ACOX3: variants seen among roughly 807,000 people sequenced by gnomAD.
The protein encoded by ACOX3 is acyl-CoA oxidase 3, pristanoyl.
ACOX3 carries 73 observed loss-of-function variants against 81.5 expected under a neutral mutation model. That is an observed-to-expected ratio of 0.90 (90% CI 0.74 to 1.09). The LOEUF (loss-of-function observed/expected upper bound fraction) is 1.09, where lower values mean the gene tolerates loss of function less well. ACOX3 is among the 50% of genes least tolerant of loss of function. The pLI is 0.00. For missense variants in ACOX3, 947 were observed against 928.0 expected, an observed-to-expected ratio of 1.02 and a Z score of -0.27; for synonymous variants, 387 against 375.1, an observed-to-expected ratio of 1.03 and a Z score of -0.37.
chr4:8,412,717 G>A (rs1721860034), intron 5 of ACOX3, among the ~76,000 whole-genome samples: 1 of 152,200 alleles, frequency 6.6e-6, no homozygotes, highest in East Asian at 1.9e-4. Context: ...TAGGCCTCAG[G>A]GACAAGCGGA....
chr4:8,389,200 T>C lies in ACOX3; in HGVS notation c.1510A>G (p.Ser504Gly), dbSNP rs1718669140. 3 of 1,613,804 alleles carry C rather than the reference T, an allele frequency of 1.9e-6. No individual in the cohort carries two copies. Among genetic ancestry groups the C allele is most frequent in the Admixed American group, 3.3e-5 (2 of 59,980 alleles). ...GILDQKFEVSSVADCLDSAVA... is the reference protein window; with the variant it reads ...GILDQKFEVSGVADCLDSAVA... ...GCAGAGTCCAAGCAGTCGGCAACAC[T>C]GGAGACCTCAAACTTCTGGTCAAGG... Residue 504 changes from serine to glycine, a missense_variant, in exon 13 of 18, where the codon AGT becomes GGT. By Grantham distance (56) the Ser-to-Gly change is moderately conservative. Coordinates refer to ENST00000356406, the MANE Select transcript of ACOX3 (RefSeq NM_003501.3). This position sits in a 1 kb window ranked among gnomAD's most constrained non-coding sequence, Gnocchi z 5.3.
At position 8,416,361 on chromosome 4, in the gene ACOX3, A is replaced by G. The variant is rs2108986231; in HGVS notation, c.144+17T>C. ...CACTGGGAAAAAAGACAAGCTGCGCACAACCGCACGCCTCACCTTAAAGCG... is the reference window on the plus strand; with the variant it reads ...CACTGGGAAAAAAGACAAGCTGCGCGCAACCGCACGCCTCACCTTAAAGCG... On this transcript the variant is annotated intron_variant, in intron 2 of 17. Transcript: ENST00000356406. The surrounding 1 kb of genome is among the most constrained non-coding windows in gnomAD (Gnocchi z 4.2). The G allele has an allele frequency of 6.2e-7, 1 of 1,614,142 alleles. No homozygotes were observed. Among genetic ancestry groups the G allele is most frequent in the Non-Finnish European group, 8.5e-7 (1 of 1,180,042 alleles).
At position 8,416,589 on chromosome 4, in the gene ACOX3, A is replaced by G; in HGVS notation, c.-14-54T>C. ...GCTCTCCCATCTATGGGTTCAAACT[A>G]CCCCCACCAACAGGAGAGCCCGCAA... On this transcript the variant is annotated intron_variant, in intron 1 of 17. Transcript: ENST00000356406. This position sits in a 1 kb window ranked among gnomAD's most constrained non-coding sequence, Gnocchi z 4.2. The G allele has an allele frequency of 3.4e-6, 5 of 1,486,738 alleles. No homozygotes were observed. The highest frequency in any genetic ancestry group is 4.5e-6 in the Non-Finnish European group (5 of 1,119,636). The allele number at this position is 1,486,738 out of a possible 1,614,324, so 92.1% of individuals were successfully genotyped here. A position where few individuals can be genotyped will look rare whatever the true frequency, so the allele number is the denominator to read the frequency against.
rs1720196572 is a variant in ACOX3 at position 8,400,036 on chromosome 4, C to G, written c.777-384G>C. Among the ~76,000 whole-genome samples, 1 of 152,092 alleles carries G rather than the reference C, an allele frequency of 6.6e-6. No individual in the cohort carries two copies. Among genetic ancestry groups the G allele is most frequent in the African/African-American group, 2.4e-5 (1 of 41,422 alleles). ...CCGAGGTGGGTGGATCACCTCAGGT[C>G]AGGAGTTCGAAACCAGCCTGACCAA... On this transcript the variant is annotated intron_variant, in intron 7 of 17. Transcript: ENST00000356406. The surrounding 1 kb of genome is among the most constrained non-coding windows in gnomAD (Gnocchi z 4.4).
intron 16 of ACOX3, 69 bp downstream of exon 16, chr4:8,373,492 G>C: frequency 6.6e-7 from 1 of 1,522,726 alleles, no homozygotes; most frequent in Non-Finnish European, 9.0e-7. Flanking sequence ...GTGATGCTAA[G>C]GGGATGCGTG....
the ACOX3 span, among the ~76,000 whole-genome samples, chr4:8,359,149 C>T: frequency 6.6e-6 from 1 of 152,132 alleles, no homozygotes; most frequent in Non-Finnish European, 1.5e-5. This position sits in a 1 kb window ranked among gnomAD's most constrained non-coding sequence, Gnocchi z 6.0. Context: ...CAAAGAGTAA[C>T]TTTGGGTAAG....
intron 13 of ACOX3, among the ~76,000 whole-genome samples, chr4:8,387,281 G>A (rs1025718754): frequency 4.6e-5 from 7 of 152,220 alleles, no homozygotes; most frequent in Non-Finnish European, 8.8e-5. Flanking sequence ...TGAGGAAACC[G>A]AGGCAGGAAG....
chr4:8,408,792 A>C (rs1387636736), intron 6 of ACOX3, among the ~76,000 whole-genome samples: 1 of 151,236 alleles, frequency 6.6e-6, no homozygotes, highest in Non-Finnish European at 1.5e-5. Flanking sequence ...ATGAAGACCA[A>C]GGTACAATTA....
intron 7 of ACOX3, among the ~76,000 whole-genome samples, chr4:8,401,993 C>A (rs977979796): frequency 6.6e-6 from 1 of 152,172 alleles, no homozygotes. Flanking sequence ...CGGGGCTCAC[C>A]CCCCTCCATG....
At position 8,382,997 on chromosome 4, in the gene ACOX3, A is replaced by G. The variant is rs1387565776; in HGVS notation, c.1538-1390T>C. ...CAGAGCGAGACTCCGTCTCAAAAAA[A>G]AAAAAAAAAGAAAAGAAAATACCCA... On this transcript the variant is annotated intron_variant, in intron 13 of 17. Coordinates refer to ENST00000356406, the MANE Select transcript of ACOX3 (RefSeq NM_003501.3). The surrounding 1 kb of genome is among the most constrained non-coding windows in gnomAD (Gnocchi z 4.1). 1.3e-5 allele frequency among the ~76,000 whole-genome samples: 2 copies of G among 149,940 alleles called. No individual in the cohort carries two copies. The highest frequency in any genetic ancestry group is 3.0e-5 in the Non-Finnish European group (2 of 67,234).
At chr4:8,387,917 C>T (rs1387587380) in intron 13 of ACOX3, among the ~76,000 whole-genome samples, 2 of 152,206 alleles carry the variant, frequency 1.3e-5, no homozygotes, top group African/African-American at 2.4e-5. Context: ...CTGTCCCAGC[C>T]GCCTCTCACC....
chr4:8,414,342 T>C lies in ACOX3; in HGVS notation c.493A>G (p.Ser165Gly), dbSNP rs771185882. ...GTTGTGCGAATGGCCTTGGTATTACTGCCGTGGCTTAATTCGGTCAGAGCA... is the reference window on the plus strand; with the variant it reads ...GTTGTGCGAATGGCCTTGGTATTACCGCCGTGGCTTAATTCGGTCAGAGCA... ...CFALTELSHG[S>G]NTKAIRTTAH... is the part of the protein sequence containing the mutation. Residue 165 changes from serine (S) to glycine (G), a missense_variant, in exon 5 of 18, where the codon AGT (serine) becomes GGT (glycine). Coordinates refer to ENST00000356406, the MANE Select transcript of ACOX3 (RefSeq NM_003501.3). The surrounding 1 kb of genome is among the most constrained non-coding windows in gnomAD (Gnocchi z 6.1). The C allele has an allele frequency of 1.2e-6, 2 of 1,614,110 alleles. No homozygotes were observed. The highest frequency in any genetic ancestry group is 1.1e-5 in the South Asian group (1 of 91,086).
intron 7 of ACOX3, among the ~76,000 whole-genome samples, chr4:8,401,554 T>C (rs1433192213): frequency 2.6e-5 from 4 of 152,140 alleles, no homozygotes; most frequent in East Asian, 1.9e-4. Context: ...AGCAACCATA[T>C]TGGCTCTTTC....
chr4:8,415,449 T>C (rs1249354179), intron 3 of ACOX3, among the ~76,000 whole-genome samples: 4 of 150,262 alleles, frequency 2.7e-5, no homozygotes, highest in African/African-American at 9.8e-5. Context: ...TCTTTTTTTG[T>C]ATGAGGTAAA....
At chr4:8,356,507 A>G in the ACOX3 span, 351 of 447,644 alleles carry the variant, frequency 7.8e-4, 2 homozygotes, top group African/African-American at 6.1e-3. Context: ...TGGCTGTGCC[A>G]TCACTTTAAG....
rs150756197 is a variant in ACOX3, at chr4:8,405,224, C to T, written c.776+731G>A. ...CCCTTGCGGCCTGGCCTCCCTACCC[C>T]GCCTGCATCCCAGCACAGGCCTGGG... is the stretch of plus-strand genomic sequence containing the variant. On this transcript the variant is annotated intron_variant, in intron 7 of 17. Coordinates refer to ENST00000356406, the MANE Select transcript of ACOX3 (RefSeq NM_003501.3). This position sits in a 1 kb window ranked among gnomAD's most constrained non-coding sequence, Gnocchi z 7.1. Among the ~76,000 whole-genome samples, 107 of 152,338 alleles carry T rather than the reference C, an allele frequency of 7.0e-4. No individual in the cohort carries two copies. The highest frequency in any genetic ancestry group is 1.1e-3 in the Non-Finnish European group (75 of 68,022).
intron 1 of ACOX3, among the ~76,000 whole-genome samples, chr4:8,429,173 A>G (rs1246694390): frequency 2.6e-5 from 4 of 152,216 alleles, no homozygotes; most frequent in African/African-American, 9.6e-5. Context: ...TGAAATTTAC[A>G]GAGACAGTGT....
chr4:8,358,035 T>C, the ACOX3 span: 1 of 152,490 alleles, frequency 6.6e-6, no homozygotes, highest in Non-Finnish European at 1.5e-5. Flanking sequence ...ACAGAGATCC[T>C]AGACTGACAA....
rs560322482 is a variant in ACOX3, at chr4:8,375,488, A to G, written c.1654-336T>C. Among the ~76,000 whole-genome samples the G allele has an allele frequency of 3.9e-4, 59 of 152,228 alleles. No individual in the cohort carries two copies. The South Asian group carries it at 7.1e-3, about 18-fold the overall frequency. ...CGGCCTCGGGATGCTCTGCGGCTAC[A>G]GAGTGGGCGCCCACCAGGAGGCCCC... is the stretch of plus-strand genomic sequence containing the variant. On this transcript the variant is annotated intron_variant, in intron 14 of 17. Coordinates refer to ENST00000356406, the MANE Select transcript of ACOX3 (RefSeq NM_003501.3).
Sources: gnomAD v4.1 joint callset for allele counts (sites outside exome capture counted in the v4.1 genomes callset) on GRCh38, gnomAD v4.1.1 for gene constraint, Gnocchi (gnomAD v3.1) non-coding constraint, MANE v1.5 for transcripts, NCBI Gene and HGNC (gene_info 2026-07-23, HGNC 2026-07-21) for gene names.